DLC1: variants seen among roughly 807,000 people sequenced by gnomAD.
DLC1 encodes DLC1 Rho GTPase activating protein, also known as rho GTPase-activating protein 7.
A neutral mutation model predicts 140.3 loss-of-function variants in DLC1; 54 were observed. The observed-to-expected ratio is 0.38, with a 90% confidence interval of 0.31 to 0.48. DLC1 has a LOEUF of 0.48. Among genes scored for constraint, DLC1 ranks in the 20% least tolerant of loss-of-function variants. The pLI is 0.96. For synonymous variants in DLC1, 986 were observed against 728.1 expected, an observed-to-expected ratio of 1.35 and a Z score of -5.70; for missense variants, 2,536 against 1,907.0, an observed-to-expected ratio of 1.33 and a Z score of -6.14.
chr8:13,405,912 T>TTTC (rs1554514361), intron 2 of DLC1, among the ~76,000 whole-genome samples: 1 of 120,422 alleles, frequency 8.3e-6, no homozygotes, highest in African/African-American at 3.2e-5. Context: ...TCTTTCTTTC[T>TTTC]TTTCTTTTCT....
chr8:13,567,636 G>A, intron 1 of DLC1: 2 of 1,551,648 alleles, frequency 1.3e-6, no homozygotes, highest in Non-Finnish European at 8.7e-7. Context: ...CTGCCTTTCT[G>A]AAACAAAAGA....
rs140809012 is a variant in DLC1 at position 13,411,722 on chromosome 8, A to C, written c.1024-10103T>G. Among the ~76,000 whole-genome samples, 224 of 152,320 alleles carry C rather than the reference A, an allele frequency of 1.5e-3. 1 individual carries two copies. Among genetic ancestry groups the C allele is most frequent in the African/African-American group, 5.2e-3 (218 of 41,570 alleles). On this transcript the variant is annotated intron_variant, in intron 2 of 17. Coordinates refer to ENST00000276297, the MANE Select transcript of DLC1 (RefSeq NM_182643.3). ...AAGTCCATTAAAAATATGAAACAAA[A>C]TAAAGAAAATGGAAAGAGACTAGAA... is the stretch of plus-strand genomic sequence containing the variant.
At chr8:13,122,883 A>C (rs2128956517) in intron 5 of DLC1, among the ~76,000 whole-genome samples, 1 of 151,972 alleles carries the variant, frequency 6.6e-6, no homozygotes, top group East Asian at 1.9e-4. Context: ...GCTTAACAAT[A>C]GCTAACTCAA....
Position 13,514,800 on chromosome 8 carries a change from G to A in DLC1, c.-324C>T, listed in dbSNP as rs1802530346. 1 of 395,800 alleles carries A rather than the reference G, an allele frequency of 2.5e-6. No homozygotes were observed. Among genetic ancestry groups the A allele is most frequent in the Non-Finnish European group, 4.5e-6 (1 of 224,714 alleles). 24.5% of individuals were successfully genotyped at this position (395,800 alleles called of 1,614,324 possible). On this transcript the variant is annotated 5_prime_UTR_variant, in exon 1 of 18. Transcript: ENST00000276297. ...GCAGCTGGAGGGAGCCTTAGCTAAG[G>A]CAGGATCCTGTCAAGGCATTCCTAG...
intron 2 of DLC1, among the ~76,000 whole-genome samples, chr8:13,452,285 A>C (rs965163295): frequency 6.6e-6 from 1 of 152,112 alleles, no homozygotes; most frequent in Non-Finnish European, 1.5e-5. Flanking sequence ...CAATCAGCTT[A>C]TATCTATACT....
intron 5 of DLC1, chr8:13,304,849 A>G (rs1266631100): frequency 1.5e-5 from 15 of 984,650 alleles, no homozygotes; most frequent in African/African-American, 1.7e-5. Flanking sequence ...CTTCATCACT[A>G]TATTTTTGAT....
chr8:13,278,842 T>C (rs1458782799), intron 5 of DLC1, among the ~76,000 whole-genome samples: 2 of 152,204 alleles, frequency 1.3e-5, no homozygotes, highest in Non-Finnish European at 2.9e-5. Context: ...GTGTTGTATA[T>C]AGACTAGCAA....
At chr8:13,387,440 A>G (rs139559606) in intron 4 of DLC1, among the ~76,000 whole-genome samples, 20 of 152,126 alleles carry the variant, frequency 1.3e-4, no homozygotes, top group African/African-American at 3.6e-4. Context: ...TTTGCCTTTA[A>G]ATTTAATTTT....
chr8:13,276,335 G>T, intron 5 of DLC1: 1 of 1,530,094 alleles, frequency 6.5e-7, no homozygotes, highest in Non-Finnish European at 8.7e-7. Flanking sequence ...TGATGTGATC[G>T]CTAAAGGACC....
chr8:13,093,676 C>T (rs1484633691), intron 12 of DLC1, among the ~76,000 whole-genome samples: 1 of 152,080 alleles, frequency 6.6e-6, no homozygotes, highest in Non-Finnish European at 1.5e-5. Flanking sequence ...ATAACAAATA[C>T]CTCGGTGAGG....
intron 1 of DLC1, among the ~76,000 whole-genome samples, chr8:13,548,071 T>C (rs911829806): frequency 7.2e-5 from 11 of 152,230 alleles, no homozygotes; most frequent in Admixed American, 3.3e-4. Context: ...AACCCTGAGT[T>C]ATTTGAATGC....
chr8:13,343,389 A>G (rs774195109), intron 4 of DLC1, among the ~76,000 whole-genome samples: 4 of 152,212 alleles, frequency 2.6e-5, no homozygotes, highest in Non-Finnish European at 5.9e-5. Flanking sequence ...GGTGTCCTCA[A>G]TCAGTTATGA....
chr8:13,579,361 ATTT>A lies in DLC1; in HGVS notation c.-126+25173_-126+25175del, dbSNP rs60996497. On this transcript the variant is annotated intron_variant, in intron 1 of 1. Transcript: ENST00000631382. ...TATATATATATATATATATATATAT[ATTT>A]TTATATAATACATATTTATATATTA... is the stretch of plus-strand genomic sequence containing the variant. Among the ~76,000 whole-genome samples the A allele has an allele frequency of 7.0e-3, 179 of 25,484 alleles. 47 individuals carry two copies. The highest frequency in any genetic ancestry group is 0.037 in the African/African-American group (169 of 4,572). 16.7% of individuals were successfully genotyped at this position (25,484 alleles called of 152,430 possible). A position where few individuals can be genotyped will look rare whatever the true frequency, so the allele number is the denominator to read the frequency against.
intron 5 of DLC1, among the ~76,000 whole-genome samples, chr8:13,240,076 C>CA (rs1289219430): frequency 6.6e-6 from 1 of 151,132 alleles, no homozygotes; most frequent in East Asian, 1.9e-4. Context: ...ATTAGGGGGA[C>CA]TTTTTTTTTA....
chr8:13,589,572 ATTATC>A (rs960971978), intron 1 of DLC1, among the ~76,000 whole-genome samples: 2 of 152,046 alleles, frequency 1.3e-5, no homozygotes, highest in Non-Finnish European at 2.9e-5. Flanking sequence ...TTAATTTGCA[ATTATC>A]TTATTTAATG....
chr8:13,393,573 C>T lies in DLC1; in HGVS notation c.1294G>A (p.Gly432Arg), dbSNP rs1802129846. The T allele has an allele frequency of 3.7e-6, 6 of 1,613,970 alleles. No individual in the cohort carries two copies. Among genetic ancestry groups the T allele is most frequent in the South Asian group, 1.1e-5 (1 of 91,048 alleles). The change falls in exon 4 of 18, where the codon GGA becomes AGA. Residue 432 changes from glycine to arginine, a missense_variant. Gly to Arg is a moderately radical substitution (Grantham distance 125). Coordinates refer to ENST00000276297, the MANE Select transcript of DLC1 (RefSeq NM_182643.3). ...LPSSTPVANSGTKPKTTAIQG... is the reference protein window; with the variant it reads ...LPSSTPVANSRTKPKTTAIQG... ...CTCACCGTAGTCTTGGGTTTGGTTC[C>T]AGAATTGGCTACTGGAGTGGAAGAT...
chr8:13,297,525 T>C (rs1182424613), intron 5 of DLC1, among the ~76,000 whole-genome samples: 1 of 152,052 alleles, frequency 6.6e-6, no homozygotes, highest in African/African-American at 2.4e-5. Context: ...GGGAATGTCA[T>C]GCAAATAGAG....
intron 4 of DLC1, among the ~76,000 whole-genome samples, chr8:13,319,786 A>G (rs1204005203): frequency 7.3e-6 from 1 of 137,362 alleles, no homozygotes. Flanking sequence ...TTTTTTCAGT[A>G]TCCTTCTCCA....
chr8:13,100,125 T>A lies in DLC1; in HGVS notation c.2212A>T (p.Thr738Ser), dbSNP rs1443823431. The A allele has an allele frequency of 6.2e-7, 1 of 1,613,926 alleles. No individual in the cohort carries two copies. Among genetic ancestry groups the A allele is most frequent in the Non-Finnish European group, 8.5e-7 (1 of 1,180,044 alleles). ...MVRKRSVSNS[T>S]QTSSSSSQSE... is the part of the protein sequence containing the mutation. ...TGGCTGCTGCTGCTGCTGGTCTGCG[T>A]GGAGTTGGAAACGCTCCTCTTTCGT... The change falls in exon 9 of 18, where the codon ACG (threonine) becomes TCG (serine). Residue 738 changes from threonine (T) to serine (S), a missense_variant. Thr to Ser is a moderately conservative substitution (Grantham distance 58). Transcript: ENST00000276297.
Sources: allele counts gnomAD v4.1 joint callset (sites outside exome capture counted in the v4.1 genomes callset), GRCh38; gene constraint gnomAD v4.1.1; transcripts MANE v1.5; gene names NCBI Gene and HGNC (gene_info 2026-07-23, HGNC 2026-07-21).